NBEA: variants seen among roughly 807,000 people sequenced by gnomAD.
NBEA encodes lysosomal-trafficking regulator 2.
Under a neutral mutation model 343.4 loss-of-function variants are expected in NBEA, and 44 were observed. That is an observed-to-expected ratio of 0.13 (90% CI 0.10 to 0.16). The LOEUF (loss-of-function observed/expected upper bound fraction) is 0.16. NBEA is among the 10% of genes least tolerant of loss of function. The probability of loss-of-function intolerance (pLI) is 1.00; values close to 1 mark genes in which losing one functional copy is unlikely to be tolerated. For missense variants in NBEA, 2,555 were observed against 3,631.3 expected, an observed-to-expected ratio of 0.70 and a Z score of 7.62; for synonymous variants, 1,175 against 1,238.7, an observed-to-expected ratio of 0.95 and a Z score of 1.08.
chr13:35,282,986 T>C (rs74048975), intron 34 of NBEA, among the ~76,000 whole-genome samples: 2,251 of 152,240 alleles, frequency 0.015, 49 homozygotes, highest in African/African-American at 0.051. Flanking sequence ...ACAGTAAAGT[T>C]GGGGCAGTGT....
chr13:35,476,394 A>G (rs1043071827), intron 41 of NBEA: 48 of 1,097,936 alleles, frequency 4.4e-5, no homozygotes, highest in Non-Finnish European at 6.0e-5. Flanking sequence ...CCGTTCTTAA[A>G]GTGAAAGACT....
intron 41 of NBEA, among the ~76,000 whole-genome samples, chr13:35,536,646 T>TGATA (rs79061692): frequency 0.42 from 41,947 of 99,134 alleles, 7,231 homozygotes; most frequent in Middle Eastern, 0.54. Flanking sequence ...AATAGATAGA[T>TGATA]GATAGATAGA....
intron 1 of NBEA, among the ~76,000 whole-genome samples, chr13:35,011,399 T>G (rs1216349548): frequency 2.6e-5 from 4 of 152,180 alleles, no homozygotes; most frequent in Admixed American, 2.6e-4. Flanking sequence ...GACTTTTAAA[T>G]GAATAAGTAA....
At chr13:35,475,260 C>T in intron 41 of NBEA, 2 of 1,614,038 alleles carry the variant, frequency 1.2e-6, no homozygotes, top group South Asian at 1.1e-5. Flanking sequence ...CCAGGCAAGA[C>T]TCGTCCCAGT....
intron 39 of NBEA, among the ~76,000 whole-genome samples, chr13:35,437,860 A>G (rs1184463140): frequency 1.3e-5 from 2 of 152,202 alleles, no homozygotes; most frequent in East Asian, 1.9e-4. Flanking sequence ...TAAAACCTAG[A>G]CTAGTCAAAT....
At chr13:34,968,077 A>G (rs1024347512) in intron 1 of NBEA, among the ~76,000 whole-genome samples, 1 of 152,082 alleles carries the variant, frequency 6.6e-6, no homozygotes. Flanking sequence ...GGAAAGTGCT[A>G]CACTTACAAT....
At chr13:35,410,491 A>G (rs1283082033) in intron 38 of NBEA, among the ~76,000 whole-genome samples, 1 of 152,160 alleles carries the variant, frequency 6.6e-6, no homozygotes, top group Admixed American at 6.6e-5. Context: ...GAGTCAGAAT[A>G]GTAGTAATGG....
intron 38 of NBEA, among the ~76,000 whole-genome samples, chr13:35,426,526 G>T (rs2044687564): frequency 6.6e-6 from 1 of 152,202 alleles, no homozygotes; most frequent in Non-Finnish European, 1.5e-5. Flanking sequence ...CTGTTAGTCT[G>T]ATGGGCTTCC....
chr13:35,423,534 G>C (rs1169542123), intron 38 of NBEA, among the ~76,000 whole-genome samples: 1 of 152,146 alleles, frequency 6.6e-6, no homozygotes, highest in Non-Finnish European at 1.5e-5. Flanking sequence ...CCAGTACCAT[G>C]CTGTTTTGTT....
At position 35,145,871 on chromosome 13, in the gene NBEA, G is replaced by C. The variant is rs778167357; in HGVS notation, c.2445+3494G>C. 3.9e-5 allele frequency among the ~76,000 whole-genome samples: 6 copies of C among 152,232 alleles called. No individual in the cohort carries two copies. The South Asian group carries it at 6.2e-4, about 16-fold the overall frequency. ...TCTTCATTTTGTTTTTGGACAGGGA[G>C]GACAGGACTATTACAAAGAGACTGA... On this transcript the variant is annotated intron_variant, in intron 18 of 58. Coordinates refer to ENST00000379939, the MANE Select transcript of NBEA (RefSeq NM_001385012.1).
At chr13:35,085,499 T>C (rs557311183) in intron 10 of NBEA, among the ~76,000 whole-genome samples, 1 of 152,230 alleles carries the variant, frequency 6.6e-6, no homozygotes, top group East Asian at 1.9e-4. Context: ...ATTATCTCAA[T>C]AGATGCAGAA....
chr13:34,988,966 C>T (rs1037539064), intron 1 of NBEA, among the ~76,000 whole-genome samples: 2 of 150,784 alleles, frequency 1.3e-5, no homozygotes, highest in African/African-American at 4.8e-5. Flanking sequence ...TGGATTTAGG[C>T]CTTCTATCTT....
At chr13:34,978,978 C>G (rs540758674) in intron 1 of NBEA, among the ~76,000 whole-genome samples, 2 of 152,012 alleles carry the variant, frequency 1.3e-5, no homozygotes, top group African/African-American at 4.8e-5. Context: ...GGGTAAATAC[C>G]TAAGAATGTA....
chr13:35,376,130 G>A (rs1282996023), intron 38 of NBEA, among the ~76,000 whole-genome samples: 1 of 152,014 alleles, frequency 6.6e-6, no homozygotes, highest in Non-Finnish European at 1.5e-5. Context: ...TGATCTAAAG[G>A]TTTTTACTGC....
At chr13:35,438,301 T>C (rs775927697) in intron 39 of NBEA, among the ~76,000 whole-genome samples, 5 of 152,210 alleles carry the variant, frequency 3.3e-5, no homozygotes, top group Admixed American at 6.5e-5. Flanking sequence ...AAAAAGCAGC[T>C]CTGTAATGAA....
intron 30 of NBEA, among the ~76,000 whole-genome samples, chr13:35,187,610 C>G (rs1421441293): frequency 6.6e-6 from 1 of 151,876 alleles, no homozygotes; most frequent in African/African-American, 2.4e-5. Context: ...TGACTTGACT[C>G]AATTACAATA....
intron 34 of NBEA, among the ~76,000 whole-genome samples, chr13:35,278,315 T>C (rs893879714): frequency 2.5e-4 from 38 of 151,948 alleles, no homozygotes; most frequent in African/African-American, 9.2e-4. Flanking sequence ...TTAAAGTATA[T>C]GAAAGTGGCT....
At chr13:34,990,162 T>A (rs774173148) in intron 1 of NBEA, among the ~76,000 whole-genome samples, 3 of 150,872 alleles carry the variant, frequency 2.0e-5, no homozygotes, top group Non-Finnish European at 3.0e-5. Flanking sequence ...CGTCAGTGGG[T>A]CTACCATTCT....
chr13:35,373,415 G>A (rs915938075), intron 38 of NBEA, among the ~76,000 whole-genome samples: 5 of 152,078 alleles, frequency 3.3e-5, no homozygotes, highest in African/African-American at 1.2e-4. Context: ...ATGTTATTAA[G>A]GAAGTAATGG....
Sources: allele counts gnomAD v4.1 joint callset (sites outside exome capture counted in the v4.1 genomes callset), GRCh38; gene constraint gnomAD v4.1.1; transcripts MANE v1.5; gene names NCBI Gene and HGNC (gene_info 2026-07-23, HGNC 2026-07-21).